Variants in SLC9A9 observed in about 807,000 individuals in gnomAD.
SLC9A9 encodes solute carrier family 9 member A9, also known as sodium/hydrogen exchanger 9.
SLC9A9 carries 62 observed loss-of-function variants against 77.8 expected under a neutral mutation model. The observed-to-expected ratio is 0.80, with a 90% CI of 0.65 to 0.98. The LOEUF is 0.98. Ranked by LOEUF, SLC9A9 falls within the 50% of genes least tolerant of loss-of-function variation. SLC9A9 has a pLI of 0.00. For missense variants in SLC9A9, 775 were observed against 774.9 expected, an observed-to-expected ratio of 1.00 and a Z score of 0.00; for synonymous variants, 320 against 283.5, an observed-to-expected ratio of 1.13 and a Z score of -1.29.
chr3:143,449,634 AT>A lies in SLC9A9; in HGVS notation c.1469+17402del, dbSNP rs2034939081. On this transcript the variant is annotated intron_variant, in intron 12 of 15. Transcript: ENST00000316549. ...TAATAATTATATAATTATATAAAAT[AT>A]AATTATATAATATAATTATATAAAA... Among the ~76,000 whole-genome samples the A allele has an allele frequency of 3.5e-5, 2 of 57,742 alleles. 1 individual carries two copies. Among genetic ancestry groups the A allele is most frequent in the African/African-American group, 1.8e-4 (2 of 11,160 alleles). 37.9% of individuals were successfully genotyped at this position (57,742 alleles called of 152,430 possible).
At chr3:143,402,089 G>T (rs1464241089) in intron 12 of SLC9A9, among the ~76,000 whole-genome samples, 1 of 151,966 alleles carries the variant, frequency 6.6e-6, no homozygotes, top group Non-Finnish European at 1.5e-5. Context: ...TCAGATGATC[G>T]CACCCTACCA....
intron 14 of SLC9A9, among the ~76,000 whole-genome samples, chr3:143,283,564 C>T (rs1938288075): frequency 6.6e-6 from 1 of 152,192 alleles, no homozygotes; most frequent in African/African-American, 2.4e-5. Context: ...GTGAGTCTCT[C>T]CTGCAAGCCC....
At chr3:143,635,930 T>C (rs909198812) in intron 6 of SLC9A9, among the ~76,000 whole-genome samples, 3 of 152,250 alleles carry the variant, frequency 2.0e-5, no homozygotes, top group Middle Eastern at 3.2e-3. Flanking sequence ...ATTTTTTTTC[T>C]ATTTTTCAGT....
intron 5 of SLC9A9, among the ~76,000 whole-genome samples, chr3:143,675,227 G>A (rs1340993926): frequency 4.6e-5 from 7 of 152,330 alleles, no homozygotes; most frequent in Non-Finnish European, 7.3e-5. Context: ...AATATGCCTT[G>A]TGCATAGTAA....
chr3:143,499,647 C>T (rs1451766193), intron 9 of SLC9A9, among the ~76,000 whole-genome samples: 1 of 152,056 alleles, frequency 6.6e-6, no homozygotes, highest in African/African-American at 2.4e-5. Flanking sequence ...CTTGTTAGGA[C>T]CTCCAGCACA....
chr3:143,284,304 T>C (rs1283976761), intron 14 of SLC9A9, among the ~76,000 whole-genome samples: 1 of 152,212 alleles, frequency 6.6e-6, no homozygotes, highest in South Asian at 2.1e-4. Context: ...TGATAATTGT[T>C]CTTTTCTCCT....
intron 9 of SLC9A9, among the ~76,000 whole-genome samples, chr3:143,537,428 T>G (rs1182945563): frequency 6.6e-6 from 1 of 152,118 alleles, no homozygotes. Flanking sequence ...GGGTTCCAAC[T>G]GCAGCCTGTG....
chr3:143,419,257 C>T (rs1225288420), intron 12 of SLC9A9, among the ~76,000 whole-genome samples: 1 of 152,154 alleles, frequency 6.6e-6, no homozygotes, highest in African/African-American at 2.4e-5. Flanking sequence ...AAGCACCTCA[C>T]GTAGAGAAAC....
At chr3:143,686,031 G>A (rs901364728) in intron 5 of SLC9A9, among the ~76,000 whole-genome samples, 7 of 152,174 alleles carry the variant, frequency 4.6e-5, no homozygotes, top group Non-Finnish European at 4.4e-5. Context: ...TAGAAATGCA[G>A]CTATGTGCTG....
At chr3:143,474,160 C>T (rs2108574803) in intron 11 of SLC9A9, among the ~76,000 whole-genome samples, 1 of 152,146 alleles carries the variant, frequency 6.6e-6, no homozygotes, top group Admixed American at 6.5e-5. Context: ...CTGAGGCAGG[C>T]CAATGCCTGG....
intron 14 of SLC9A9, among the ~76,000 whole-genome samples, chr3:143,344,034 T>C (rs2032187862): frequency 6.6e-6 from 1 of 152,210 alleles, no homozygotes; most frequent in Non-Finnish European, 1.5e-5. Flanking sequence ...AGAAGAATCA[T>C]GTAAATTAGA....
intron 13 of SLC9A9, among the ~76,000 whole-genome samples, chr3:143,371,334 C>T (rs945733053): frequency 1.3e-5 from 2 of 151,954 alleles, no homozygotes; most frequent in African/African-American, 4.8e-5. Flanking sequence ...ATGACCATGC[C>T]CTAAAACCGA....
At chr3:143,381,390 A>T (rs1488466082) in intron 13 of SLC9A9, 1 of 153,378 alleles carries the variant, frequency 6.5e-6, no homozygotes, top group East Asian at 1.9e-4. Context: ...GTAAGATGTG[A>T]CTTGCTCTTC....
chr3:143,266,815 G>C lies in SLC9A9; in HGVS notation c.1825C>G (p.Gln609Glu), dbSNP rs754904558. ...CCTGGCGTCTGGGGTGAAGCTTTCT[G>C]GTCCAGACCTAGCCTTGCAGGAGGA... The part of the protein sequence containing the change: ...CSPPARLGLD[Q>E]KASPQTPGKE... Residue 609 changes from glutamine (Q) to glutamate (E), a missense_variant, in exon 16 of 16, where the codon CAG becomes GAG. By Grantham distance (29) the Gln-to-Glu change is conservative. Coordinates refer to ENST00000316549, the MANE Select transcript of SLC9A9 (RefSeq NM_173653.4). 4 of 1,614,142 alleles carry C rather than the reference G, an allele frequency of 2.5e-6. No individual in the cohort carries two copies. In the African/African-American group the frequency reaches 4.0e-5, roughly 16 times the overall value.
At chr3:143,542,045 GGA>G (rs2036698675) in intron 9 of SLC9A9, among the ~76,000 whole-genome samples, 1 of 152,190 alleles carries the variant, frequency 6.6e-6, no homozygotes, top group Non-Finnish European at 1.5e-5. Context: ...TGTTGGTCGT[GGA>G]GTAAAGGCTT....
chr3:143,448,170 G>A (rs374926842), intron 12 of SLC9A9, among the ~76,000 whole-genome samples: 9 of 152,256 alleles, frequency 5.9e-5, no homozygotes, highest in African/African-American at 2.2e-4. Flanking sequence ...AGAAAATTCT[G>A]TGCAAATAGG....
rs74519507 is a variant in SLC9A9 at position 143,715,475 on chromosome 3, G to A, written c.534-22168C>T. The stretch of plus-strand genomic sequence containing the variant: ...ATCCTGGACTCTCCTGAAAGAATAC[G>A]ATCTCCTTATTAAAAGCTTTTATAA... On this transcript the variant is annotated intron_variant, in intron 4 of 15. Transcript: ENST00000316549. Among the ~76,000 whole-genome samples, 913 of 152,268 alleles carry A rather than the reference G, an allele frequency of 6.0e-3. 13 individuals carry two copies. The highest frequency in any genetic ancestry group is 0.021 in the African/African-American group (859 of 41,544).
chr3:143,611,872 T>G (rs1338416807), intron 6 of SLC9A9, among the ~76,000 whole-genome samples: 3 of 152,114 alleles, frequency 2.0e-5, no homozygotes, highest in Non-Finnish European at 2.9e-5. Context: ...TAGCTAGGAC[T>G]ACAGGAACAC....
intron 4 of SLC9A9, among the ~76,000 whole-genome samples, chr3:143,790,349 C>T (rs1187933406): frequency 2.0e-5 from 3 of 152,178 alleles, no homozygotes; most frequent in African/African-American, 7.2e-5. Flanking sequence ...TTCCTCCAAC[C>T]ACCTTCAGTA....
Sources: allele counts gnomAD v4.1 joint callset (sites outside exome capture counted in the v4.1 genomes callset), GRCh38; gene constraint gnomAD v4.1.1; transcripts MANE v1.5; gene names NCBI Gene and HGNC (gene_info 2026-07-23, HGNC 2026-07-21).